The following DNAH8 variants were observed in gnomAD, a reference collection of about 807,000 sequenced individuals.
DNAH8 encodes the protein dynein axonemal heavy chain 8.
In DNAH8, 382 loss-of-function variants were observed where a neutral mutation model predicts 562.1. That is an observed-to-expected ratio of 0.68 (90% CI 0.63 to 0.74). The LOEUF (loss-of-function observed/expected upper bound fraction) is 0.74. Among genes scored for constraint, DNAH8 ranks in the 30% least tolerant of loss-of-function variants. The pLI is 0.00. For synonymous variants in DNAH8, 1,881 were observed against 1,919.4 expected (o/e 0.98, Z 0.52); for missense variants, 5,203 against 5,620.4 (o/e 0.93, Z 2.37).
At chr6:38,801,643 T>A (rs190650675) in intron 21 of DNAH8, among the ~76,000 whole-genome samples, 1 of 152,202 alleles carries the variant, frequency 6.6e-6, no homozygotes, top group East Asian at 1.9e-4. Context: ...TAGCACTGCA[T>A]TGAATAAATT....
intron 11 of DNAH8, chr6:38,763,116 C>T (rs1299944657): frequency 3.0e-6 from 1 of 336,458 alleles, no homozygotes; most frequent in Non-Finnish European, 5.7e-6. Context: ...ATGACTACTT[C>T]ACTTGCATCA....
intron 91 of DNAH8, among the ~76,000 whole-genome samples, chr6:39,018,371 G>A (rs564536641): frequency 6.6e-6 from 1 of 152,254 alleles, no homozygotes; most frequent in East Asian, 1.9e-4. Flanking sequence ...CCCTTGACTA[G>A]AGCTAGAATG....
rs577894598 is a variant in DNAH8, at chr6:38,900,989, C to T, written c.9194+1083C>T. On this transcript the variant is annotated intron_variant, in intron 62 of 92. Coordinates refer to ENST00000327475, the MANE Select transcript of DNAH8 (RefSeq NM_001206927.2). ...CCCAGATGGCTAATGATGTTGAGCA[C>T]CTTTTTATCTCTCATTGGCCATTTG... Among the ~76,000 whole-genome samples the T allele has an allele frequency of 2.6e-5, 4 of 152,184 alleles. No homozygotes were observed. The East Asian group carries it at 7.7e-4, about 29-fold the overall frequency.
intron 85 of DNAH8, among the ~76,000 whole-genome samples, chr6:38,978,444 TG>T (rs1763814986): frequency 6.6e-6 from 1 of 152,200 alleles, no homozygotes; most frequent in South Asian, 2.1e-4. Context: ...TGGGGAGAGA[TG>T]GTTATAAAAT....
chr6:38,935,841 C>A, intron 77 of DNAH8, 144 bp downstream of exon 77: 1 of 575,284 alleles, frequency 1.7e-6, no homozygotes, highest in Non-Finnish European at 2.9e-6. Context: ...TCCATCTAGA[C>A]ATTAAAGAGG....
In DNAH8 at chr6:38,973,797, C is replaced by T; in HGVS notation, c.12662C>T (p.Pro4221Leu). The T allele has an allele frequency of 6.2e-7, 1 of 1,603,064 alleles. No individual in the cohort carries two copies. Among genetic ancestry groups the T allele is most frequent in the Non-Finnish European group, 8.5e-7 (1 of 1,176,740 alleles). Reference protein sequence around the residue: ...WITTEPHDRFPITLLQTSLKF... With the variant: ...WITTEPHDRFLITLLQTSLKF... ...ACTACGGAGCCCCATGATCGATTTC[C>T]AATTACATTGCTTCAGGTTTGTTAC... is the stretch of plus-strand genomic sequence containing the variant. Residue 4221 changes from proline to leucine, a missense_variant, in exon 84 of 93, where the codon CCA (proline) becomes CTA (leucine). This residue lies in a region of DNAH8 where 1,399 missense variants were observed against 1,518.4 expected (regional missense o/e 0.92). Coordinates refer to ENST00000327475, the MANE Select transcript of DNAH8 (RefSeq NM_001206927.2).
rs753537544 is a variant in DNAH8 at position 39,030,244 on chromosome 6, C to T, written c.13976C>T (p.Pro4659Leu). ...ATCTTTGCCATTAACTCCACGGCAC[C>T]CAAGGACCCCAAGCTGTATGTGTGT... ...LHIFAINSTA[P>L]KDPKLYVCPI... Residue 4659 changes from proline (P) to leucine (L), a missense_variant, in exon 93 of 93, where the codon CCC (proline) becomes CTC (leucine). Physicochemically the swap from Pro to Leu is moderately conservative, Grantham distance 98. Around this residue, in one of 6 missense-constraint regions of DNAH8, gnomAD observed 1,399 missense variants for 1,518.4 expected, o/e 0.92. Transcript: ENST00000327475. 5 of 1,614,026 alleles carry T rather than the reference C, an allele frequency of 3.1e-6. No individual in the cohort carries two copies. Among genetic ancestry groups the T allele is most frequent in the Non-Finnish European group, 4.2e-6 (5 of 1,180,042 alleles).
intron 76 of DNAH8, among the ~76,000 whole-genome samples, chr6:38,934,477 C>T (rs916972966): frequency 6.6e-6 from 1 of 152,038 alleles, no homozygotes; most frequent in Non-Finnish European, 1.5e-5. Context: ...TTGACTGGTT[C>T]AGGAAGACTT....
intron 57 of DNAH8, among the ~76,000 whole-genome samples, chr6:38,889,436 G>T (rs557104167): frequency 6.6e-6 from 1 of 152,278 alleles, no homozygotes; most frequent in South Asian, 2.1e-4. Flanking sequence ...TGTGAACAAG[G>T]ATGAACGTAC....
At position 38,785,361 on chromosome 6, in the gene DNAH8, G is replaced by A. The variant is rs1476839242; in HGVS notation, c.2396-1404G>A. Among the ~76,000 whole-genome samples the A allele has an allele frequency of 2.0e-5, 3 of 152,234 alleles. No homozygotes were observed. The East Asian group carries it at 5.8e-4, about 29-fold the overall frequency. Reference sequence around the variant, plus strand: ...TCACATACGATGAAATGCTTGTCTTGTCCTGGAGCAGACTTCCTGACTGTC... The same window carrying A: ...TCACATACGATGAAATGCTTGTCTTATCCTGGAGCAGACTTCCTGACTGTC... On this transcript the variant is annotated intron_variant, in intron 17 of 92. Transcript: ENST00000327475.
chr6:38,835,516 TGGAGAAG>T (rs1375766068), intron 32 of DNAH8, among the ~76,000 whole-genome samples: 1 of 152,122 alleles, frequency 6.6e-6, no homozygotes, highest in East Asian at 1.9e-4. Context: ...TTAGAGCAGA[TGGAGAAG>T]GCTTCCTGAA....
intron 64 of DNAH8, among the ~76,000 whole-genome samples, chr6:38,908,623 G>A (rs765055398): frequency 6.6e-6 from 1 of 152,160 alleles, no homozygotes; most frequent in Non-Finnish European, 1.5e-5. Context: ...CATGATCATG[G>A]CTCACTGCAG....
At chr6:38,890,233 T>C (rs1043134293) in intron 57 of DNAH8, among the ~76,000 whole-genome samples, 1 of 152,134 alleles carries the variant, frequency 6.6e-6, no homozygotes, top group Non-Finnish European at 1.5e-5. Context: ...TCCTTCTCTG[T>C]AAGATGAGGG....
chr6:39,030,487 T>A lies in DNAH8; in HGVS notation c.*95T>A. 1.8e-6 allele frequency: 2 copies of A among 1,104,622 alleles called. No individual in the cohort carries two copies. Among genetic ancestry groups the A allele is most frequent in the Non-Finnish European group, 2.6e-6 (2 of 771,476 alleles). The allele number at this position is 1,104,622 out of a possible 1,614,324, so 68.4% of individuals were successfully genotyped here. A position where few individuals can be genotyped will look rare whatever the true frequency, so the allele number is the denominator to read the frequency against. Reference sequence around the variant, plus strand: ...GTGTGTGTCTTTTCTCCCCAGTAATTCCTTAATTACTCTTTCTACATTAAA... The same window carrying A: ...GTGTGTGTCTTTTCTCCCCAGTAATACCTTAATTACTCTTTCTACATTAAA... On this transcript the variant is annotated 3_prime_UTR_variant, in exon 93 of 93. Transcript: ENST00000327475.
chr6:38,890,191 G>A (rs1319253928), intron 57 of DNAH8, among the ~76,000 whole-genome samples: 2 of 152,122 alleles, frequency 1.3e-5, no homozygotes, highest in Non-Finnish European at 2.9e-5. Flanking sequence ...ATGTGACCTT[G>A]AACAATCGGC....
intron 80 of DNAH8, among the ~76,000 whole-genome samples, chr6:38,949,178 G>A (rs1761683132): frequency 2.0e-5 from 3 of 152,168 alleles, no homozygotes; most frequent in Non-Finnish European, 4.4e-5. Context: ...GAGAAACCTT[G>A]ATTTGTGTTT....
Position 38,786,770 on chromosome 6 carries a change from C to T in DNAH8, c.2401C>T (p.Gln801Ter), listed in dbSNP as rs78686644. Residue 801 changes from glutamine (Q) to a stop codon, truncating the protein, a stop_gained, in exon 18 of 93, where the codon CAA (glutamine) becomes TAA (stop). Transcript: ENST00000327475. LOFTEE classifies it high-confidence loss of function. ...REISQLHYALQATLFVRHPET... is the reference protein window; with the variant it reads ...REISQLHYAL ...CAATCATTATTTATTTGTAGCTTTA[C>T]AAGCCACGCTTTTTGTGCGACATCC... The T allele has an allele frequency of 6.2e-7, 1 of 1,610,552 alleles. No homozygotes were observed. The highest frequency in any genetic ancestry group is 1.7e-5 in the Admixed American group (1 of 59,120).
intron 10 of DNAH8, among the ~76,000 whole-genome samples, chr6:38,759,974 A>G (rs1164442020): frequency 1.3e-5 from 2 of 152,230 alleles, no homozygotes; most frequent in Non-Finnish European, 2.9e-5. Context: ...ATGGTCCTGA[A>G]TAAAGTCTCT....
At position 38,722,964 on chromosome 6, in the gene DNAH8, A is replaced by T. The variant is rs750174047; in HGVS notation, c.155A>T (p.Glu52Val). Residue 52 changes from glutamate (E) to valine (V), a missense_variant, in exon 2 of 93, where the codon GAA becomes GTA. Transcript: ENST00000327475. Reference sequence around the variant, plus strand: ...GAAGATGGTTTCTCTCCTTCCGCAGAAGATGCTGTTTCTTCTGTGGTGGAT... The same window carrying T: ...GAAGATGGTTTCTCTCCTTCCGCAGTAGATGCTGTTTCTTCTGTGGTGGAT... ...PAEDGFSPSA[E>V]DAVSSVVDYR... 1 of 1,612,818 alleles carries T rather than the reference A, an allele frequency of 6.2e-7. No homozygotes were observed. The highest frequency in any genetic ancestry group is 1.7e-5 in the Admixed American group (1 of 60,024).
Sources: allele counts gnomAD v4.1 joint callset (sites outside exome capture counted in the v4.1 genomes callset), GRCh38; gene constraint gnomAD v4.1.1; regional missense constraint gnomAD v4.1.1; transcripts MANE v1.5; gene names NCBI Gene and HGNC (gene_info 2026-07-23, HGNC 2026-07-21).